The following PLEKHB1 variants were observed in gnomAD, a reference collection of about 807,000 sequenced individuals.
PLEKHB1 encodes pleckstrin homology domain containing B1.
In PLEKHB1, 29 loss-of-function variants were observed where a neutral mutation model predicts 36.2. The ratio of observed to expected loss-of-function variants is 0.80; its 90% confidence interval spans 0.60 to 1.09. PLEKHB1 has a LOEUF of 1.09. Among genes scored for constraint, PLEKHB1 ranks in the 50% least tolerant of loss-of-function variants. PLEKHB1 has a pLI of 0.00. For synonymous variants in PLEKHB1, 138 were observed against 140.0 expected (o/e 0.99, Z 0.10); for missense variants, 330 against 348.2 (o/e 0.95, Z 0.42).
intron 6 of PLEKHB1, among the ~76,000 whole-genome samples, chr11:73,659,622 C>G (rs1188056697): frequency 6.9e-6 from 1 of 144,888 alleles, no homozygotes; most frequent in African/African-American, 2.5e-5. Context: ...GAGGCACAAG[C>G]AAGATCCACA....
chr11:73,648,432 C>G (rs988559702), intron 1 of PLEKHB1, among the ~76,000 whole-genome samples: 1 of 152,146 alleles, frequency 6.6e-6, no homozygotes, highest in South Asian at 2.1e-4. Context: ...AGGGGGTACC[C>G]GGACAGAGTG....
chr11:73,654,540 C>T (rs1203318075), intron 5 of PLEKHB1, among the ~76,000 whole-genome samples: 2 of 152,098 alleles, frequency 1.3e-5, no homozygotes, highest in Non-Finnish European at 2.9e-5. Context: ...ATAAGGAAGC[C>T]GAGGTTCAGA....
rs116956705 is a variant in PLEKHB1, at chr11:73,655,426, C to G, written c.391-377C>G. 3.8e-3 allele frequency among the ~76,000 whole-genome samples: 579 copies of G among 152,268 alleles called. 2 individuals carry two copies. Among genetic ancestry groups the G allele is most frequent in the Non-Finnish European group, 6.6e-3 (449 of 68,018 alleles). ...CCAGGAGCCCCTAACACCAGCTTTA[C>G]TGGGAACACAGGGCCTGGGGGCACA... On this transcript the variant is annotated intron_variant, in intron 5 of 7. Transcript: ENST00000354190.
intron 3 of PLEKHB1, chr11:73,651,364 A>AG (rs1174131669): frequency 1.0e-4 from 46 of 445,196 alleles, no homozygotes; most frequent in Non-Finnish European, 8.9e-6. Flanking sequence ...AAAAAAAAAA[A>AG]AAAAAAGAAA....
chr11:73,658,433 T>C lies in PLEKHB1; in HGVS notation c.496-2320T>C, dbSNP rs184671228. On this transcript the variant is annotated intron_variant, in intron 6 of 7. Coordinates refer to ENST00000354190, the MANE Select transcript of PLEKHB1 (RefSeq NM_021200.3). The stretch of plus-strand genomic sequence containing the variant: ...CTCAGCAACTCCTCTGAAAAGTTTT[T>C]TCAAGGTCACTCACAACTTCCAAGT... 3.3e-5 allele frequency among the ~76,000 whole-genome samples: 5 copies of C among 152,310 alleles called. No homozygotes were observed. The East Asian group carries it at 9.6e-4, about 29-fold the overall frequency.
chr11:73,652,131 A>C (rs1590792817), intron 4 of PLEKHB1: 1 of 535,786 alleles, frequency 1.9e-6, no homozygotes, highest in Non-Finnish European at 3.3e-6. Context: ...AGGTGTGCAC[A>C]CCTGCCTCAG....
Position 73,655,797 on chromosome 11 carries a change from G to T in PLEKHB1, c.391-6G>T. 1 of 1,612,716 alleles carries T rather than the reference G, an allele frequency of 6.2e-7. No homozygotes were observed. Among genetic ancestry groups the T allele is most frequent in the African/African-American group, 1.3e-5 (1 of 74,960 alleles). Reference sequence around the variant, plus strand: ...CCTCCTTCTTGGGTTTCTGTGGCTTGAGCAGGCCCCAGCTGGAGCCACCGT... The same window carrying T: ...CCTCCTTCTTGGGTTTCTGTGGCTTTAGCAGGCCCCAGCTGGAGCCACCGT... On this transcript the variant is annotated splice_region_variant and splice_polypyrimidine_tract_variant and intron_variant, in intron 5 of 7. Transcript: ENST00000354190.
chr11:73,652,820 G>A, intron 4 of PLEKHB1, 155 bp from the exon 5 acceptor site: 1 of 590,260 alleles, frequency 1.7e-6, no homozygotes, highest in South Asian at 2.5e-5. Flanking sequence ...GCAGGGGAGG[G>A]GTCACTTTTG....
chr11:73,649,011 G>A lies in PLEKHB1; in HGVS notation c.19-1G>A. Reference sequence around the variant, plus strand: ...TGTGTCTCCCGTGGCTCCTCTGACAGGTCCCGCCTGACTCCGCTCTGGAAA... The same window carrying A: ...TGTGTCTCCCGTGGCTCCTCTGACAAGTCCCGCCTGACTCCGCTCTGGAAA... On this transcript the variant is annotated splice_acceptor_variant, in intron 1 of 7. Transcript: ENST00000354190. LOFTEE classifies it high-confidence loss of function. The A allele has an allele frequency of 1.3e-6, 2 of 1,589,988 alleles. 1 individual carries two copies. Among genetic ancestry groups the A allele is most frequent in the Non-Finnish European group, 1.7e-6 (2 of 1,168,318 alleles).
Position 73,662,228 on chromosome 11 carries a change from G to T in PLEKHB1, c.*626G>T. On this transcript the variant is annotated 3_prime_UTR_variant, in exon 8 of 8. Coordinates refer to ENST00000354190, the MANE Select transcript of PLEKHB1 (RefSeq NM_021200.3). Reference sequence around the variant, plus strand: ...CTAAGGAGCTTCCTAGGTGAAAGGGGAGATGTGAGCCTTCTCTGGAGGGAA... The same window carrying T: ...CTAAGGAGCTTCCTAGGTGAAAGGGTAGATGTGAGCCTTCTCTGGAGGGAA... The T allele has an allele frequency of 6.6e-6, 1 of 152,524 alleles. No homozygotes were observed. 9.4% of individuals were successfully genotyped at this position (152,524 alleles called of 1,614,324 possible).
At chr11:73,648,424 G>A (rs1246872941) in intron 1 of PLEKHB1, 1 of 159,480 alleles carries the variant, frequency 6.3e-6, no homozygotes, top group South Asian at 2.0e-4. Flanking sequence ...GCACTGATAG[G>A]GGGTACCCGG....
In PLEKHB1 at chr11:73,662,492, C is replaced by T. The variant is rs537832928; in HGVS notation, c.*890C>T. On this transcript the variant is annotated 3_prime_UTR_variant, in exon 8 of 8. Coordinates refer to ENST00000354190, the MANE Select transcript of PLEKHB1 (RefSeq NM_021200.3). ...CCAGAAATGCCTCTCACACCAGGAG[C>T]TCGGCCCTCTCTTTGTAGCTGTGAC... is the stretch of plus-strand genomic sequence containing the variant. 6.6e-6 allele frequency: 1 copy of T among 152,646 alleles called. No homozygotes were observed. The highest frequency in any genetic ancestry group is 1.5e-5 in the Non-Finnish European group (1 of 68,130). 9.5% of individuals were successfully genotyped at this position (152,646 alleles called of 1,614,324 possible). A position where few individuals can be genotyped will look rare whatever the true frequency, so the allele number is the denominator to read the frequency against.
chr11:73,651,449 C>T, intron 3 of PLEKHB1: 2 of 514,712 alleles, frequency 3.9e-6, no homozygotes, highest in Non-Finnish European at 3.8e-6. Context: ...TCCTGCCCTC[C>T]AGGCGCTCGG....
At chr11:73,657,278 T>C (rs1270505586) in intron 6 of PLEKHB1, among the ~76,000 whole-genome samples, 1 of 152,150 alleles carries the variant, frequency 6.6e-6, no homozygotes, top group Non-Finnish European at 1.5e-5. Context: ...TTGATCAGGG[T>C]CACTCAACTC....
At chr11:73,655,746 G>A in intron 5 of PLEKHB1, 57 bp from the exon 6 acceptor site, 1 of 1,478,970 alleles carries the variant, frequency 6.8e-7, no homozygotes. Context: ...TAGGTGTAGA[G>A]GGCCTCTGAC....
At chr11:73,653,972 G>A (rs1192769818) in intron 5 of PLEKHB1, among the ~76,000 whole-genome samples, 1 of 151,594 alleles carries the variant, frequency 6.6e-6, no homozygotes, top group Admixed American at 6.6e-5. Context: ...TAACGTTGGG[G>A]CATGTAAAAA....
intron 1 of PLEKHB1, among the ~76,000 whole-genome samples, chr11:73,647,180 C>T (rs1001864505): frequency 3.3e-5 from 5 of 152,158 alleles, no homozygotes; most frequent in African/African-American, 1.2e-4. Flanking sequence ...CCCCTTTCAG[C>T]CTCCTCTGGG....
At chr11:73,657,506 G>C (rs932664896) in intron 6 of PLEKHB1, among the ~76,000 whole-genome samples, 16 of 152,214 alleles carry the variant, frequency 1.1e-4, no homozygotes, top group African/African-American at 3.6e-4. Flanking sequence ...CCTCTGGAGA[G>C]GGAGAGGCAG....
intron 2 of PLEKHB1, among the ~76,000 whole-genome samples, chr11:73,649,301 C>A (rs1278858699): frequency 6.6e-6 from 1 of 152,152 alleles, no homozygotes; most frequent in Non-Finnish European, 1.5e-5. Context: ...GGGCCCCTCT[C>A]TGAGGAGCCT....
Sources: allele counts gnomAD v4.1 joint callset (sites outside exome capture counted in the v4.1 genomes callset), GRCh38; gene constraint gnomAD v4.1.1; transcripts MANE v1.5; gene names NCBI Gene and HGNC (gene_info 2026-07-23, HGNC 2026-07-21).